SAMD11: variants seen among roughly 807,000 people sequenced by gnomAD.
SAMD11 encodes sterile alpha motif domain containing 11, also known as sterile alpha motif domain-containing protein 11.
SAMD11 carries 77 observed loss-of-function variants against 64.4 expected under a neutral mutation model. That is an observed-to-expected ratio of 1.20 (90% confidence interval 0.99 to 1.44). SAMD11 has a LOEUF of 1.44. Ranked by LOEUF, SAMD11 falls within the 40% of genes most tolerant of loss-of-function variation. The probability of loss-of-function intolerance (pLI) is 0.00; values close to 1 mark genes in which losing one functional copy is unlikely to be tolerated. For synonymous variants in SAMD11, 658 were observed against 421.9 expected, an observed-to-expected ratio of 1.56 and a Z score of -6.86; for missense variants, 1,402 against 943.3, an observed-to-expected ratio of 1.49 and a Z score of -6.37.
rs1438076745 is a variant in SAMD11 at position 924,410 on chromosome 1, G to A, written c.-22G>A. 1.3e-5 allele frequency: 2 copies of A among 149,590 alleles called. No individual in the cohort carries two copies. Among genetic ancestry groups the A allele is most frequent in the African/African-American group, 4.9e-5 (2 of 41,148 alleles). The allele number at this position is 149,590 out of a possible 1,614,324, so 9.3% of individuals were successfully genotyped here. On this transcript the variant is annotated 5_prime_UTR_variant, in exon 1 of 14. Transcript: ENST00000616016. ...GTTGCTGCCGCCGGCGGAGAGCGGG[G>A]CTGCGGAGCCACCGGGGCGCCATGC...
chr1:936,606 AG>A (rs1056415577), intron 5 of SAMD11, among the ~76,000 whole-genome samples: 5 of 151,730 alleles, frequency 3.3e-5, no homozygotes, highest in African/African-American at 1.2e-4. Flanking sequence ...AGGCCGTGAA[AG>A]GAGGCGGGGG....
At position 935,763 on chromosome 1, in the gene SAMD11, G is replaced by T. The variant is rs371466225; in HGVS notation, c.843-9G>T. 8.7e-6 allele frequency: 14 copies of T among 1,613,110 alleles called. No individual in the cohort carries two copies. The African/African-American group carries it at 1.7e-4, about 20-fold the overall frequency. On this transcript the variant is annotated splice_polypyrimidine_tract_variant and intron_variant, in intron 4 of 13. Transcript: ENST00000616016. ...CACGGGGTCAGCTTTTCCCGGTCTCGTTCTGCAGCCAGGACGGCAACCTTC... is the reference window on the plus strand; with the variant it reads ...CACGGGGTCAGCTTTTCCCGGTCTCTTTCTGCAGCCAGGACGGCAACCTTC...
At chr1:929,621 G>A (rs1243903876) in intron 2 of SAMD11, among the ~76,000 whole-genome samples, 1 of 152,200 alleles carries the variant, frequency 6.6e-6, no homozygotes, top group Non-Finnish European at 1.5e-5. Context: ...GCAGATACAC[G>A]GAGGGAACGT....
intron 7 of SAMD11, chr1:940,224 G>A (rs1641671949): frequency 6.6e-6 from 1 of 151,306 alleles, no homozygotes; most frequent in South Asian, 2.1e-4. Context: ...TCTGCCTGGG[G>A]CCGCTCTGCT....
intron 7 of SAMD11, among the ~76,000 whole-genome samples, chr1:940,074 G>C (rs2100346553): frequency 6.6e-6 from 1 of 152,342 alleles, no homozygotes; most frequent in Non-Finnish European, 1.5e-5. Flanking sequence ...TCGGGCTAGA[G>C]GTGGGTGGGG....
chr1:939,312 G>A lies in SAMD11; in HGVS notation c.1095G>A (p.Met365Ile). 1 of 1,611,036 alleles carries A rather than the reference G, an allele frequency of 6.2e-7. No individual in the cohort carries two copies. Among genetic ancestry groups the A allele is most frequent in the Middle Eastern group, 1.7e-4 (1 of 6,048 alleles). The change falls in exon 7 of 14, where the codon ATG (methionine) becomes ATA (isoleucine). Residue 365 changes from methionine to isoleucine, a missense_variant. Transcript: ENST00000616016. ...TGCCGCGGGAGCTGGGGCCCAGCAT[G>A]GCCCCGGAGGACCATTACCGCCGGC... ...LLLPRELGPS[M>I]APEDHYRRLV...
intron 1 of SAMD11, chr1:925,649 G>A (rs867648620): frequency 2.6e-6 from 1 of 383,094 alleles, no homozygotes; most frequent in African/African-American, 2.1e-5. Context: ...GCCGGGGAGA[G>A]GGTGGAGCGC....
At position 944,049 on chromosome 1, in the gene SAMD11, T is replaced by C. The variant is rs1641998576; in HGVS notation, c.2431T>C (p.Tyr811His). 1 of 1,612,548 alleles carries C rather than the reference T, an allele frequency of 6.2e-7. No homozygotes were observed. ...GTCCCCCACGACGGCCACGTCCCCC[T>C]ATGGAGGGGGCCACGCCCTTGCCGG... ...PLSPTTATSP[Y>H]GGGHALAGQT... is the part of the protein sequence containing the mutation. Residue 811 changes from tyrosine (Y) to histidine (H), a missense_variant, in exon 14 of 14, where the codon TAT becomes CAT. By Grantham distance (83) the Tyr-to-His change is moderately conservative (BLOSUM62 2). Transcript: ENST00000616016.
At position 943,650 on chromosome 1, in the gene SAMD11, G is replaced by A. The variant is rs373263976; in HGVS notation, c.2179-48G>A. On this transcript the variant is annotated intron_variant, in intron 12 of 13. Transcript: ENST00000616016. ...CTCCTCTTGGCTCTGCTGGGCTGGA[G>A]GATGGAGCAGCACCCGGGTCCTGAC... 6.9e-5 allele frequency: 102 copies of A among 1,474,948 alleles called. 1 individual carries two copies. The African/African-American group carries it at 8.9e-4, about 13-fold the overall frequency. 91.4% of individuals were successfully genotyped at this position (1,474,948 alleles called of 1,614,324 possible).
chr1:939,465 G>C (rs1482179488), intron 7 of SAMD11, 53 bp downstream of exon 7: 1 of 1,545,844 alleles, frequency 6.5e-7, no homozygotes, highest in East Asian at 2.3e-5. Flanking sequence ...GCCACGGTGA[G>C]GACCCACCCT....
At position 935,990 on chromosome 1, in the gene SAMD11, C is replaced by T. The variant is rs995585679; in HGVS notation, c.967+94C>T. ...CAGCACCAGCAGCCTTGGCAGGCAG[C>T]CAGAGAGGCAGGAGGAGCGGCCTGT... On this transcript the variant is annotated intron_variant, in intron 5 of 13. Transcript: ENST00000616016. The T allele has an allele frequency of 3.7e-6, 5 of 1,360,698 alleles. No individual in the cohort carries two copies. In the Admixed American group the frequency reaches 6.2e-5, roughly 17 times the overall value. 84.3% of individuals were successfully genotyped at this position (1,360,698 alleles called of 1,614,324 possible).
chr1:940,702 C>T (rs1000889684), intron 7 of SAMD11, among the ~76,000 whole-genome samples: 5 of 152,226 alleles, frequency 3.3e-5, no homozygotes, highest in East Asian at 1.9e-4. Context: ...GCTGCCTTGC[C>T]TTTGTGACAA....
intron 3 of SAMD11, 104 bp downstream of exon 3, chr1:930,440 C>G: frequency 7.9e-7 from 1 of 1,267,996 alleles, no homozygotes; most frequent in Non-Finnish European, 1.1e-6. Context: ...CCTCCCACAC[C>G]TTCCCTCAGA....
chr1:942,701 G>A lies in SAMD11; in HGVS notation c.1696G>A (p.Gly566Ser), dbSNP rs1641861633. The change falls in exon 11 of 14, where the codon GGC (glycine) becomes AGC (serine). Residue 566 changes from glycine (G) to serine (S), a missense_variant. Gly to Ser is a moderately conservative substitution (Grantham distance 56). Transcript: ENST00000616016. ...CGGGGCCCTGCTGGTGCTGAACCAC[G>A]GCGCGGCGCCACTGCTGGCCCTGCC... is the stretch of plus-strand genomic sequence containing the variant. ...RRGALLVLNH[G>S]AAPLLALPPQ... 1 of 1,441,040 alleles carries A rather than the reference G, an allele frequency of 6.9e-7. No homozygotes were observed. The highest frequency in any genetic ancestry group is 9.0e-7 in the Non-Finnish European group (1 of 1,108,520). 89.3% of individuals were successfully genotyped at this position (1,441,040 alleles called of 1,614,324 possible).
chr1:928,509 A>G lies in SAMD11; in HGVS notation c.610-1646A>G, dbSNP rs113528172. Among the ~76,000 whole-genome samples the G allele has an allele frequency of 2.2e-3, 337 of 152,380 alleles. 1 individual carries two copies. The highest frequency in any genetic ancestry group is 2.7e-3 in the Non-Finnish European group (186 of 68,034). ...GACTTCCCAGCACAGCACACTCCGG[A>G]CAGGCTGTGGCTGTTGAAGGGACCC... On this transcript the variant is annotated intron_variant, in intron 2 of 13. Transcript: ENST00000616016.
intron 4 of SAMD11, among the ~76,000 whole-genome samples, chr1:931,887 G>A (rs1019350881): frequency 9.2e-5 from 14 of 152,314 alleles, no homozygotes; most frequent in African/African-American, 3.1e-4. Flanking sequence ...GTAAGTCTGT[G>A]AACAGAGCCC....
intron 7 of SAMD11, 77 bp downstream of exon 7, chr1:939,489 C>T (rs768419551): frequency 1.6e-5 from 26 of 1,593,300 alleles, no homozygotes; most frequent in South Asian, 7.8e-5. Flanking sequence ...ATGATCTCCC[C>T]TCATCACCTC....
rs189569184 is a variant in SAMD11, at chr1:936,856, G to A, written c.967+960G>A. ...AATTGCCCCATCGATCCAGCAGAGC[G>A]GAGGGAGCCCCACAATGATTGAGAT... On this transcript the variant is annotated intron_variant, in intron 5 of 13. Coordinates refer to ENST00000616016, the MANE Select transcript of SAMD11 (RefSeq NM_001385641.1). Among the ~76,000 whole-genome samples the A allele has an allele frequency of 1.5e-3, 232 of 152,324 alleles. 1 individual carries two copies. Among genetic ancestry groups the A allele is most frequent in the African/African-American group, 5.4e-3 (224 of 41,568 alleles).
intron 4 of SAMD11, 144 bp downstream of exon 4, chr1:931,233 C>A: frequency 3.7e-6 from 3 of 818,336 alleles, no homozygotes; most frequent in Non-Finnish European, 3.9e-6. Context: ...CCAGGTTTGA[C>A]ATGTGCTGCA....
Sources: allele counts gnomAD v4.1 joint callset (sites outside exome capture counted in the v4.1 genomes callset), GRCh38; gene constraint gnomAD v4.1.1; transcripts MANE v1.5; gene names NCBI Gene and HGNC (gene_info 2026-07-23, HGNC 2026-07-21).